RCL1: variants seen among roughly 807,000 people sequenced by gnomAD.
The protein encoded by RCL1 is RNA terminal phosphate cyclase like 1, also known as RNA 3'-terminal phosphate cyclase-like protein.
RCL1 carries 24 observed loss-of-function variants against 42.4 expected under a neutral mutation model. The observed-to-expected ratio is 0.57, with a 90% confidence interval of 0.41 to 0.80. RCL1 has a LOEUF of 0.80. RCL1 is among the 30% of genes least tolerant of loss of function. The pLI is 0.00. For synonymous variants in RCL1, 228 were observed against 177.3 expected, an observed-to-expected ratio of 1.29 and a Z score of -2.27; for missense variants, 578 against 467.9, an observed-to-expected ratio of 1.24 and a Z score of -2.17.
At chr9:4,838,361 C>T (rs1382553510) in intron 5 of RCL1, among the ~76,000 whole-genome samples, 1 of 152,212 alleles carries the variant, frequency 6.6e-6, no homozygotes, top group Non-Finnish European at 1.5e-5. Flanking sequence ...CTTAATGCCA[C>T]CCACTCTTTC....
At chr9:4,860,061 T>A in intron 8 of RCL1, 64 bp from the exon 9 acceptor site, 1 of 1,170,192 alleles carries the variant, frequency 8.5e-7, no homozygotes, top group Non-Finnish European at 1.2e-6. Context: ...TTCTAGGTGG[T>A]AGAGGATAAT....
intron 1 of RCL1, among the ~76,000 whole-genome samples, chr9:4,794,932 G>C (rs1842889699): frequency 6.6e-6 from 1 of 152,158 alleles, no homozygotes; most frequent in South Asian, 2.1e-4. Context: ...TGGCAGGTGT[G>C]CTGGTATTTT....
intron 2 of RCL1, among the ~76,000 whole-genome samples, chr9:4,824,504 A>G (rs1816693947): frequency 6.7e-6 from 1 of 148,870 alleles, no homozygotes; most frequent in African/African-American, 2.5e-5. Context: ...ATGATAATTT[A>G]TTTAACTGCT....
At chr9:4,859,919 A>G (rs1818105134) in intron 8 of RCL1, among the ~76,000 whole-genome samples, 1 of 152,120 alleles carries the variant, frequency 6.6e-6, no homozygotes, top group African/African-American at 2.4e-5. Flanking sequence ...ATCTTGCTGT[A>G]TTGCGTGTAT....
chr9:4,858,932 C>A (rs1354340011), intron 8 of RCL1, among the ~76,000 whole-genome samples: 1 of 152,158 alleles, frequency 6.6e-6, no homozygotes, highest in African/African-American at 2.4e-5. Flanking sequence ...GATTTCTGGC[C>A]TCTATGAACT....
chr9:4,819,417 C>T (rs1453825459), intron 1 of RCL1, among the ~76,000 whole-genome samples: 2 of 152,074 alleles, frequency 1.3e-5, no homozygotes, highest in African/African-American at 2.4e-5. Flanking sequence ...GTTTTTTTCC[C>T]CAGGCTTTTT....
At chr9:4,837,262 G>A (rs1167711898) in intron 5 of RCL1, among the ~76,000 whole-genome samples, 1 of 152,026 alleles carries the variant, frequency 6.6e-6, no homozygotes, top group East Asian at 1.9e-4. Context: ...CCTGTTGATG[G>A]CCATTGAGTT....
chr9:4,801,469 G>T (rs7033028), intron 1 of RCL1, among the ~76,000 whole-genome samples: 8,380 of 152,194 alleles, frequency 0.055, 398 homozygotes, highest in African/African-American at 0.12. Context: ...TGTGAACCAC[G>T]GTGCCTGGCC....
chr9:4,827,747 TGTGTGTGTGCACGC>T (rs1258590818), intron 3 of RCL1, among the ~76,000 whole-genome samples: 1 of 119,462 alleles, frequency 8.4e-6, no homozygotes, highest in East Asian at 2.6e-4. Context: ...TGTGTGTGTG[TGTGTGTGTGCACGC>T]GTGTGTGTGT....
At chr9:4,845,550 C>G (rs1168638621) in intron 7 of RCL1, among the ~76,000 whole-genome samples, 2 of 152,174 alleles carry the variant, frequency 1.3e-5, no homozygotes, top group Non-Finnish European at 1.5e-5. Context: ...ATACAGTTTC[C>G]TAAAAGATAT....
intron 1 of RCL1, among the ~76,000 whole-genome samples, chr9:4,820,173 G>A (rs898354571): frequency 3.3e-5 from 5 of 152,162 alleles, no homozygotes; most frequent in Non-Finnish European, 7.3e-5. Context: ...TTCCCTGAAC[G>A]TTTTGAGATA....
chr9:4,802,074 A>ATTTTTTTTTTTTTT (rs34756856), intron 1 of RCL1, among the ~76,000 whole-genome samples: 7 of 95,460 alleles, frequency 7.3e-5, no homozygotes, highest in African/African-American at 1.5e-4. Flanking sequence ...ACGCCTGGCT[A>ATTTTTTTTTTTTTT]TTTTTTTTTT....
At chr9:4,838,655 ATATGGACTGTAGC>A (rs1345939374) in intron 5 of RCL1, among the ~76,000 whole-genome samples, 2 of 152,176 alleles carry the variant, frequency 1.3e-5, no homozygotes, top group Admixed American at 6.5e-5. Flanking sequence ...TGGGAGTCCC[ATATGGACTGTAGC>A]TATGGACTTG....
In RCL1 at chr9:4,834,214, A is replaced by G; in HGVS notation, c.533A>G (p.Lys178Arg). Residue 178 changes from lysine to arginine, a missense_variant, in exon 5 of 9, where the codon AAG (lysine) becomes AGG (arginine). Coordinates refer to ENST00000381750, the MANE Select transcript of RCL1 (RefSeq NM_005772.5). ...VFSCPVRKVL[K>R]PIQLTDPGKI... ...TCATGTCCTGTGAGGAAGGTCTTGA[A>G]GCCCATTCAACTCACAGATCCAGGA... 1.2e-6 allele frequency: 2 copies of G among 1,613,752 alleles called. No individual in the cohort carries two copies. Among genetic ancestry groups the G allele is most frequent in the Non-Finnish European group, 1.7e-6 (2 of 1,179,756 alleles).
intron 8 of RCL1, among the ~76,000 whole-genome samples, chr9:4,852,559 T>G (rs116261299): frequency 1.4e-4 from 21 of 152,202 alleles, no homozygotes; most frequent in African/African-American, 4.8e-4. Flanking sequence ...ACCGTGGAAA[T>G]GGTATTTAGC....
chr9:4,812,345 T>C (rs200536082), intron 1 of RCL1, among the ~76,000 whole-genome samples: 1 of 23,752 alleles, frequency 4.2e-5, no homozygotes, highest in African/African-American at 4.9e-5. Flanking sequence ...TTTAAGTTCA[T>C]TTTTTTTTTT....
Position 4,851,575 on chromosome 9 carries a change from G to A in RCL1, c.971+2025G>A, listed in dbSNP as rs538465849. Among the ~76,000 whole-genome samples the A allele has an allele frequency of 7.9e-5, 12 of 152,296 alleles. No individual in the cohort carries two copies. The South Asian group carries it at 1.2e-3, about 16-fold the overall frequency. ...AGGATAAAAAAGGGATGAAATCCAC[G>A]GTGAGGACCATCATGGTGGGGGAAT... On this transcript the variant is annotated intron_variant, in intron 8 of 8. Coordinates refer to ENST00000381750, the MANE Select transcript of RCL1 (RefSeq NM_005772.5).
rs58494209 is a variant in RCL1 at position 4,806,017 on chromosome 9, GGTGT to G, written c.136+12815_136+12818del. On this transcript the variant is annotated intron_variant, in intron 1 of 8. Coordinates refer to ENST00000381750, the MANE Select transcript of RCL1 (RefSeq NM_005772.5). Reference sequence around the variant, plus strand: ...TATTAGTATATAGAAATACCATTGGGGTGTGTGTGTGTGTGTGTGTGTGTGTGTT... The same window carrying G: ...TATTAGTATATAGAAATACCATTGGGGTGTGTGTGTGTGTGTGTGTGTGTT... Among the ~76,000 whole-genome samples the G allele has an allele frequency of 1.4e-3, 193 of 142,820 alleles. No individual in the cohort carries two copies. The East Asian group carries it at 0.024, about 18-fold the overall frequency. 93.7% of individuals were successfully genotyped at this position (142,820 alleles called of 152,430 possible).
chr9:4,844,172 C>T (rs555434730), intron 6 of RCL1, among the ~76,000 whole-genome samples: 3 of 152,136 alleles, frequency 2.0e-5, no homozygotes, highest in East Asian at 3.9e-4. Context: ...ATTGTGTGAG[C>T]GTGTGTTGAG....
Sources: gnomAD v4.1 joint callset for allele counts (sites outside exome capture counted in the v4.1 genomes callset) on GRCh38, gnomAD v4.1.1 for gene constraint, MANE v1.5 for transcripts, NCBI Gene and HGNC (gene_info 2026-07-23, HGNC 2026-07-21) for gene names.